KAZN: variants seen among roughly 807,000 people sequenced by gnomAD.
KAZN encodes kazrin, periplakin interacting protein.
Under a neutral mutation model 87.4 loss-of-function variants are expected in KAZN, and 40 were observed. The ratio of observed to expected loss-of-function variants is 0.46; its 90% CI spans 0.36 to 0.60. The LOEUF is 0.60. KAZN is among the 20% of genes least tolerant of loss of function. The pLI is 0.00. For missense variants in KAZN, 898 were observed against 1,073.9 expected, an observed-to-expected ratio of 0.84 and a Z score of 2.29; for synonymous variants, 466 against 458.3, an observed-to-expected ratio of 1.02 and a Z score of -0.22.
At chr1:14,816,168 T>C (rs181055089) in intron 1 of KAZN, among the ~76,000 whole-genome samples, 1 of 152,264 alleles carries the variant, frequency 6.6e-6, no homozygotes, top group East Asian at 1.9e-4. Flanking sequence ...GTCAGGCACA[T>C]AGTAGCAATC....
chr1:14,469,518 CTAAGA>C (rs1175212101), intron 2 of KAZN, among the ~76,000 whole-genome samples: 8 of 152,104 alleles, frequency 5.3e-5, no homozygotes, highest in African/African-American at 1.9e-4. Context: ...GCTGAAGTTG[CTAAGA>C]AAATTGGGCA....
At chr1:14,291,499 G>A (rs1653690792) in intron 2 of KAZN, among the ~76,000 whole-genome samples, 2 of 152,314 alleles carry the variant, frequency 1.3e-5, no homozygotes, top group Middle Eastern at 3.4e-3. Context: ...GCCAGGCATG[G>A]GACATAATCT....
rs572584992 is a variant in KAZN at position 14,419,980 on chromosome 1, G to A, written c.250-179003G>A. On this transcript the variant is annotated intron_variant, in intron 2 of 16. Transcript: ENST00000636203. ...GGAACATTAGGGGATTGCCACTCCC[G>A]GCTCCGGCAGCCTGCTTTTATTCCC... Among the ~76,000 whole-genome samples, 10 of 152,258 alleles carry A rather than the reference G, an allele frequency of 6.6e-5. No individual in the cohort carries two copies. In the East Asian group the frequency reaches 1.7e-3, roughly 26 times the overall value.
chr1:15,078,981 A>G (rs1341260057), intron 8 of KAZN, among the ~76,000 whole-genome samples: 1 of 152,214 alleles, frequency 6.6e-6, no homozygotes, highest in Non-Finnish European at 1.5e-5. Context: ...AAAGCCGCTC[A>G]CCACTGGCTT....
intron 1 of KAZN, among the ~76,000 whole-genome samples, chr1:14,732,441 C>T (rs1314508652): frequency 6.6e-6 from 1 of 152,138 alleles, no homozygotes; most frequent in Non-Finnish European, 1.5e-5. Flanking sequence ...GAGTTCAAGA[C>T]CAGCCGGGCC....
intron 2 of KAZN, among the ~76,000 whole-genome samples, chr1:14,418,345 G>A (rs1665009538): frequency 6.6e-6 from 1 of 152,160 alleles, no homozygotes; most frequent in African/African-American, 2.4e-5. Context: ...CCGGCTTGCT[G>A]TGATCAGTAA....
In KAZN at chr1:14,695,510, C is replaced by CTTTTTTTTTTTTTTTTTTTTTTTTTT. The variant is rs112667110; in HGVS notation, c.226+96302_226+96303insTTTTTTTTTTTTTTTTTTTTTTTTTT. Among the ~76,000 whole-genome samples the CTTTTTTTTTTTTTTTTTTTTTTTTTT allele has an allele frequency of 2.9e-3, 248 of 84,976 alleles. 41 individuals are homozygous for CTTTTTTTTTTTTTTTTTTTTTTTTTT. Among genetic ancestry groups the CTTTTTTTTTTTTTTTTTTTTTTTTTT allele is most frequent in the Non-Finnish European group, 4.3e-3 (156 of 36,470 alleles). 55.7% of individuals were successfully genotyped at this position (84,976 alleles called of 152,430 possible). A position where few individuals can be genotyped will look rare whatever the true frequency, so the allele number is the denominator to read the frequency against. On this transcript the variant is annotated intron_variant, in intron 1 of 14. Transcript: ENST00000376030. ...CCTCTTTCCCCAGACTACATTCCAT[C>CTTTTTTTTTTTTTTTTTTTTTTTTTT]TTTTTTTTTTTTTTTGATGGAGTCT...
At chr1:13,976,383 G>T (rs1638359128) in intron 1 of KAZN, among the ~76,000 whole-genome samples, 1 of 152,060 alleles carries the variant, frequency 6.6e-6, no homozygotes, top group African/African-American at 2.4e-5. Flanking sequence ...CAGATGAAAT[G>T]ACCTCCTTGT....
At chr1:15,110,259 T>TTG (rs56366078) in intron 13 of KAZN, among the ~76,000 whole-genome samples, 143,274 of 151,294 alleles carry the variant, frequency 0.95, 67,859 homozygotes, top group East Asian at 0.99. Context: ...GTATGTGCAC[T>TTG]TGTGTGTGTA....
At position 14,403,581 on chromosome 1, in the gene KAZN, C is replaced by T. The variant is rs12031347; in HGVS notation, c.250-195402C>T. On this transcript the variant is annotated intron_variant, in intron 2 of 16. Coordinates refer to the KAZN transcript ENST00000636203. ...CATCAATAAGAAAAGGACAAAGAACCAACAACAAAAGAACCACACTAACAA... is the reference window on the plus strand; with the variant it reads ...CATCAATAAGAAAAGGACAAAGAACTAACAACAAAAGAACCACACTAACAA... Among the ~76,000 whole-genome samples the T allele has an allele frequency of 1.6e-4, 24 of 151,932 alleles. No individual in the cohort carries two copies. In the East Asian group the frequency reaches 4.5e-3, roughly 28 times the overall value.
At chr1:14,235,310 A>G (rs533001251) in intron 2 of KAZN, among the ~76,000 whole-genome samples, 2 of 152,252 alleles carry the variant, frequency 1.3e-5, no homozygotes, top group African/African-American at 4.8e-5. Context: ...ATGAACTACT[A>G]TAACATGGAT....
At chr1:14,509,559 A>G (rs1422478189) in intron 2 of KAZN, among the ~76,000 whole-genome samples, 2 of 152,192 alleles carry the variant, frequency 1.3e-5, no homozygotes, top group Non-Finnish European at 2.9e-5. Context: ...AGGGCCGTGG[A>G]AAAAGATTAA....
chr1:14,485,424 C>G (rs1346506460), intron 2 of KAZN, among the ~76,000 whole-genome samples: 1 of 152,154 alleles, frequency 6.6e-6, no homozygotes, highest in Admixed American at 6.5e-5. Context: ...AGCTGACTAG[C>G]TACAACAGGG....
At chr1:15,035,701 A>G (rs1434888060) in intron 3 of KAZN, among the ~76,000 whole-genome samples, 4 of 152,186 alleles carry the variant, frequency 2.6e-5, no homozygotes, top group Admixed American at 2.0e-4. Context: ...GTAGCCGGTC[A>G]TTGTGGTGCA....
intron 1 of KAZN, among the ~76,000 whole-genome samples, chr1:13,907,428 A>G (rs1391309827): frequency 6.9e-6 from 1 of 144,188 alleles, no homozygotes; most frequent in East Asian, 2.3e-4. Flanking sequence ...GCCCCGGGGT[A>G]TGGGCCCAGG....
intron 2 of KAZN, among the ~76,000 whole-genome samples, chr1:14,501,258 T>G (rs182022362): frequency 6.6e-6 from 1 of 151,984 alleles, no homozygotes; most frequent in African/African-American, 2.4e-5. Flanking sequence ...GTACTGGAGG[T>G]TCTAGCCAGC....
At chr1:14,813,487 T>G (rs1251693062) in intron 1 of KAZN, among the ~76,000 whole-genome samples, 1 of 152,212 alleles carries the variant, frequency 6.6e-6, no homozygotes, top group Non-Finnish European at 1.5e-5. Context: ...TTGCCAGCCA[T>G]GTGAGTGAGT....
chr1:14,937,985 G>A (rs141761197), intron 1 of KAZN, among the ~76,000 whole-genome samples: 44 of 152,294 alleles, frequency 2.9e-4, no homozygotes, highest in African/African-American at 9.6e-4. Flanking sequence ...TATTTAGGGC[G>A]TTTTAGCCTT....
At chr1:14,383,669 A>ATC (rs935564171) in intron 2 of KAZN, among the ~76,000 whole-genome samples, 6 of 151,734 alleles carry the variant, frequency 4.0e-5, no homozygotes, top group Middle Eastern at 3.2e-3. Context: ...TGTTCCATTG[A>ATC]TCTCTCTCTC....
Sources: gnomAD v4.1 joint callset for allele counts (sites outside exome capture counted in the v4.1 genomes callset) on GRCh38, gnomAD v4.1.1 for gene constraint, MANE v1.5 for transcripts, NCBI Gene and HGNC (gene_info 2026-07-23, HGNC 2026-07-21) for gene names.